Variants in SAE1 observed in about 807,000 individuals in gnomAD.
SAE1 encodes the protein SUMO1 activating enzyme subunit 1, also known as SUMO-activating enzyme subunit 1.
A neutral mutation model predicts 40.6 loss-of-function variants in SAE1; 11 were observed. That is an observed-to-expected ratio of 0.27 (90% confidence interval 0.17 to 0.45). The LOEUF (loss-of-function observed/expected upper bound fraction) is 0.45, where lower values mean the gene tolerates loss of function less well. SAE1 is among the 20% of genes least tolerant of loss of function. The pLI, the probability that SAE1 is intolerant of heterozygous loss-of-function variation, is 1.00. For missense variants in SAE1, 373 were observed against 427.3 expected (o/e 0.87, Z 1.12); for synonymous variants, 155 against 154.3 (o/e 1.00, Z -0.03).
At chr19:47,179,109 G>GCT (rs1470622956) in intron 6 of SAE1, among the ~76,000 whole-genome samples, 2 of 148,864 alleles carry the variant, frequency 1.3e-5, no homozygotes, top group South Asian at 4.3e-4. Context: ...GGAGAATGGT[G>GCT]TGAACCCGGG....
In SAE1 at chr19:47,193,837, A is replaced by AC. The variant is rs1261628385; in HGVS notation, c.734-3396_734-3395insC. ...AGCAAGATTGTCTCAAAAAAAAAAA[A>AC]AAAGAAAGAAAAGAAAAAGAAAAAG... On this transcript the variant is annotated intron_variant, in intron 6 of 8. Transcript: ENST00000270225. 5.0e-5 allele frequency among the ~76,000 whole-genome samples: 7 copies of AC among 140,910 alleles called. 1 individual carries two copies. In the East Asian group the frequency reaches 1.6e-3, roughly 33 times the overall value. 92.4% of individuals were successfully genotyped at this position (140,910 alleles called of 152,430 possible).
chr19:47,140,998 G>A (rs1442575927), intron 1 of SAE1, among the ~76,000 whole-genome samples: 3 of 151,714 alleles, frequency 2.0e-5, no homozygotes, highest in African/African-American at 7.3e-5. Context: ...ACAGGTGCCC[G>A]CCACCAACAT....
chr19:47,130,868 G>C lies in SAE1; in HGVS notation c.-63G>C, dbSNP rs746972922. 27 of 1,544,524 alleles carry C rather than the reference G, an allele frequency of 1.7e-5. No homozygotes were observed. Among genetic ancestry groups the C allele is most frequent in the Non-Finnish European group, 2.3e-5 (26 of 1,144,668 alleles). ...CGTGCTGCCGGCGGCGGTAGGTGGC[G>C]CGCGGGTCCGGCGGGCGGTTGGCTT... On this transcript the variant is annotated 5_prime_UTR_variant, in exon 1 of 9. Coordinates refer to ENST00000270225, the MANE Select transcript of SAE1 (RefSeq NM_005500.3).
chr19:47,201,103 C>T (rs577467234), intron 7 of SAE1, among the ~76,000 whole-genome samples: 346 of 151,278 alleles, frequency 2.3e-3, no homozygotes, highest in Non-Finnish European at 3.9e-3. Context: ...GTGCAATGGC[C>T]CGATCTTGGC....
chr19:47,141,357 G>A (rs2058220790), intron 1 of SAE1, among the ~76,000 whole-genome samples: 1 of 151,976 alleles, frequency 6.6e-6, no homozygotes, highest in African/African-American at 2.4e-5. Context: ...GGACAGGCTG[G>A]TCTCGAACTC....
At chr19:47,145,871 G>A (rs1359864398) in intron 2 of SAE1, among the ~76,000 whole-genome samples, 2 of 151,986 alleles carry the variant, frequency 1.3e-5, no homozygotes, top group African/African-American at 2.4e-5. Flanking sequence ...CACCTACTGG[G>A]TGCCCTGAAG....
chr19:47,173,192 T>C (rs910108297), intron 6 of SAE1, among the ~76,000 whole-genome samples: 3 of 152,090 alleles, frequency 2.0e-5, no homozygotes, highest in Non-Finnish European at 4.4e-5. Flanking sequence ...AGAGGCAGGG[T>C]TCCACCGTGT....
rs59160052 is a variant in SAE1 at position 47,143,424 on chromosome 19, T to G, written c.99-70T>G. On this transcript the variant is annotated intron_variant, in intron 1 of 8. Transcript: ENST00000270225. ...CTGGCAAACCAAAATGATTTGTGTA[T>G]TTTTTGTTCTTCTGTGATTCTGCAA... 1,379 of 1,289,298 alleles carry G rather than the reference T, an allele frequency of 1.1e-3. 18 individuals carry two copies. The African/African-American group carries it at 0.018, about 17-fold the overall frequency. The allele number at this position is 1,289,298 out of a possible 1,614,324, so 79.9% of individuals were successfully genotyped here.
At chr19:47,153,090 CT>C (rs749858950) in intron 4 of SAE1, 50 bp downstream of exon 4, 35,691 of 1,153,872 alleles carry the variant, frequency 0.031, no homozygotes, top group South Asian at 0.036. Flanking sequence ...CCTTTTTATA[CT>C]TTTTTTTTTT....
At chr19:47,199,532 T>A (rs1350901684) in intron 7 of SAE1, among the ~76,000 whole-genome samples, 1 of 152,092 alleles carries the variant, frequency 6.6e-6, no homozygotes, top group Non-Finnish European at 1.5e-5. Flanking sequence ...AGCAGCTCGT[T>A]AGGCTGTGGC....
At chr19:47,195,055 CTTTT>C (rs796120464) in intron 6 of SAE1, among the ~76,000 whole-genome samples, 1 of 135,524 alleles carries the variant, frequency 7.4e-6, no homozygotes, top group African/African-American at 2.7e-5. Context: ...CCTGGCCAGT[CTTTT>C]TTTTTTTTTT....
intron 5 of SAE1, among the ~76,000 whole-genome samples, chr19:47,158,683 T>C (rs2058338805): frequency 6.6e-6 from 1 of 152,148 alleles, no homozygotes; most frequent in African/African-American, 2.4e-5. Context: ...CTTCCATGAG[T>C]TGCAGAATGC....
chr19:47,192,587 G>A (rs1442114376), intron 6 of SAE1, among the ~76,000 whole-genome samples: 1 of 151,966 alleles, frequency 6.6e-6, no homozygotes, highest in Non-Finnish European at 1.5e-5. Context: ...CTGTAGCCCA[G>A]ACTGGAGTGC....
chr19:47,189,644 C>T (rs903767141), intron 6 of SAE1, among the ~76,000 whole-genome samples: 6 of 152,064 alleles, frequency 3.9e-5, no homozygotes, highest in African/African-American at 1.4e-4. Context: ...GGAATTGGGG[C>T]CGAGGTGTCT....
intron 6 of SAE1, among the ~76,000 whole-genome samples, chr19:47,173,951 A>C (rs2058451667): frequency 2.0e-5 from 3 of 151,598 alleles, no homozygotes; most frequent in Admixed American, 2.0e-4. Context: ...TGCCTGGCTA[A>C]TTTTTTGTAT....
intron 8 of SAE1, among the ~76,000 whole-genome samples, chr19:47,208,737 C>T (rs1163793769): frequency 6.6e-6 from 1 of 151,888 alleles, no homozygotes; most frequent in African/African-American, 2.4e-5. Context: ...TTTTAGTTTT[C>T]ATATAGACGG....
rs2058708699 is a variant in SAE1, at chr19:47,210,570, T to C, written c.*1319T>C. On this transcript the variant is annotated 3_prime_UTR_variant, in exon 9 of 9. Transcript: ENST00000270225. ...AAGTGCGTTCCAGTTCACCCCACTCTTGCTTGTGTTTCTTCTTTATGTAAA... is the reference window on the plus strand; with the variant it reads ...AAGTGCGTTCCAGTTCACCCCACTCCTGCTTGTGTTTCTTCTTTATGTAAA... The C allele has an allele frequency of 6.6e-6, 1 of 152,236 alleles. No homozygotes were observed. The highest frequency in any genetic ancestry group is 1.5e-5 in the Non-Finnish European group (1 of 68,046). 9.4% of individuals were successfully genotyped at this position (152,236 alleles called of 1,614,324 possible). A position where few individuals can be genotyped will look rare whatever the true frequency, so the allele number is the denominator to read the frequency against.
chr19:47,134,312 G>T (rs2058165565), intron 1 of SAE1, among the ~76,000 whole-genome samples: 1 of 151,714 alleles, frequency 6.6e-6, no homozygotes, highest in Admixed American at 6.6e-5. Flanking sequence ...TTTAGTTTGA[G>T]GGGGTGGGAG....
At chr19:47,137,390 AAAAT>A (rs2058187146) in intron 1 of SAE1, among the ~76,000 whole-genome samples, 1 of 152,190 alleles carries the variant, frequency 6.6e-6, no homozygotes, top group African/African-American at 2.4e-5. Context: ...CTCTGTCTCA[AAAAT>A]AAATAAATAA....
Sources: allele counts gnomAD v4.1 joint callset (sites outside exome capture counted in the v4.1 genomes callset), GRCh38; gene constraint gnomAD v4.1.1; transcripts MANE v1.5; gene names NCBI Gene and HGNC (gene_info 2026-07-23, HGNC 2026-07-21).